The following ALPK1 variants were observed in gnomAD, a reference collection of about 807,000 sequenced individuals.
The protein encoded by ALPK1 is alpha kinase 1.
In ALPK1, 110 loss-of-function variants were observed where a neutral mutation model predicts 120.6. The ratio of observed to expected loss-of-function variants is 0.91; its 90% CI spans 0.78 to 1.07. The LOEUF (loss-of-function observed/expected upper bound fraction) is 1.07, where lower values mean the gene tolerates loss of function less well. Ranked by LOEUF, ALPK1 falls within the 50% of genes least tolerant of loss-of-function variation. The pLI is 0.00. For missense variants in ALPK1, 1,498 were observed against 1,483.9 expected (o/e 1.01, Z -0.16); for synonymous variants, 582 against 560.3 (o/e 1.04, Z -0.55).
At chr4:112,338,448 A>G (rs960431627) in intron 2 of ALPK1, among the ~76,000 whole-genome samples, 2 of 152,194 alleles carry the variant, frequency 1.3e-5, no homozygotes, top group Non-Finnish European at 2.9e-5. Flanking sequence ...AAAAATGTAT[A>G]TAAGGGATAA....
chr4:112,377,899 G>A lies in ALPK1; in HGVS notation c.121+1G>A, dbSNP rs776484720. 14 of 1,605,278 alleles carry A rather than the reference G, an allele frequency of 8.7e-6. No homozygotes were observed. The South Asian group carries it at 1.4e-4, about 17-fold the overall frequency. On this transcript the variant is annotated splice_donor_variant, in intron 3 of 15. Coordinates refer to ENST00000650871, the MANE Select transcript of ALPK1 (RefSeq NM_025144.4). LOFTEE classifies it high-confidence loss of function. Reference sequence around the variant, plus strand: ...AAGAGCGAGGACCAGCGCTGCAGAGGTGAGGTTCTGATGGGAGGCACCAGG... The same window carrying A: ...AAGAGCGAGGACCAGCGCTGCAGAGATGAGGTTCTGATGGGAGGCACCAGG...
intron 15 of ALPK1, 39 bp downstream of exon 15, chr4:112,441,144 C>T (rs753841328): frequency 6.2e-6 from 10 of 1,613,840 alleles, no homozygotes; most frequent in South Asian, 2.2e-5. Flanking sequence ...TGTGACAGAC[C>T]TTAGTGATGC....
chr4:112,355,983 C>T (rs1171016700), intron 2 of ALPK1, among the ~76,000 whole-genome samples: 1 of 152,356 alleles, frequency 6.6e-6, no homozygotes, highest in East Asian at 1.9e-4. Flanking sequence ...CATAGGGATT[C>T]TAGAAGAGAA....
At chr4:112,356,126 C>G in intron 2 of ALPK1, 1 of 1,558,688 alleles carries the variant, frequency 6.4e-7, no homozygotes, top group Non-Finnish European at 8.8e-7. Context: ...CTCCTGAGAA[C>G]AGGCTGATAT....
At chr4:112,382,068 A>G (rs1454093058) in intron 3 of ALPK1, among the ~76,000 whole-genome samples, 1 of 152,186 alleles carries the variant, frequency 6.6e-6, no homozygotes, top group African/African-American at 2.4e-5. Context: ...TACAGGGAAA[A>G]TAATATTTCC....
chr4:112,426,317 C>A, intron 7 of ALPK1, 150 bp from the exon 8 acceptor site: 1 of 470,454 alleles, frequency 2.1e-6, no homozygotes. Context: ...AAAAACATTG[C>A]TGTGTCAATC....
At chr4:112,314,279 T>C (rs1728539952) in intron 1 of ALPK1, among the ~76,000 whole-genome samples, 1 of 152,174 alleles carries the variant, frequency 6.6e-6, no homozygotes, top group African/African-American at 2.4e-5. Context: ...AATAGTCACC[T>C]AAGTGAGCAG....
intron 3 of ALPK1, among the ~76,000 whole-genome samples, chr4:112,382,193 C>T (rs1379658573): frequency 3.3e-5 from 5 of 152,112 alleles, no homozygotes; most frequent in African/African-American, 1.2e-4. Context: ...CAAAGTCGGC[C>T]AGGGCCACCC....
intron 2 of ALPK1, chr4:112,356,382 C>G (rs562279588): frequency 2.5e-5 from 21 of 831,220 alleles, no homozygotes; most frequent in Non-Finnish European, 4.0e-5. Context: ...TCAGATCAGG[C>G]CTTTGTCATC....
chr4:112,431,745 G>T lies in ALPK1; in HGVS notation c.2198G>T (p.Gly733Val), dbSNP rs1469523215. 1 of 1,614,038 alleles carries T rather than the reference G, an allele frequency of 6.2e-7. No homozygotes were observed. The highest frequency in any genetic ancestry group is 8.5e-7 in the Non-Finnish European group (1 of 1,180,030). Residue 733 changes from glycine to valine, a missense_variant, in exon 11 of 16, where the codon GGC becomes GTC. Gly to Val is a moderately radical substitution (Grantham distance 109). Transcript: ENST00000650871. The stretch of plus-strand genomic sequence containing the variant: ...GATTCTGGTAGGCCCAAGAATATGG[G>T]CACACATCCTTCAGTCCAAAAAGAA... Reference protein sequence around the residue: ...SSDSGRPKNMGTHPSVQKEEA... With the variant: ...SSDSGRPKNMVTHPSVQKEEA...
intron 3 of ALPK1, among the ~76,000 whole-genome samples, chr4:112,379,573 G>C (rs1731814822): frequency 6.6e-6 from 1 of 152,250 alleles, no homozygotes; most frequent in African/African-American, 2.4e-5. Context: ...CTGCGGAGCG[G>C]CTCGAGCAGG....
At chr4:112,428,428 A>G (rs1230861981) in intron 9 of ALPK1, among the ~76,000 whole-genome samples, 4 of 152,214 alleles carry the variant, frequency 2.6e-5, no homozygotes, top group Non-Finnish European at 5.9e-5. Context: ...CATGCTCAAT[A>G]CTAATTAGTG....
chr4:112,426,300 C>A (rs886812350), intron 7 of ALPK1, 167 bp from the exon 8 acceptor site: 25 of 426,718 alleles, frequency 5.9e-5, no homozygotes, highest in Non-Finnish European at 8.7e-5. Context: ...GTCTATATTA[C>A]AACTGGAAAA....
intron 2 of ALPK1, among the ~76,000 whole-genome samples, chr4:112,320,904 T>A (rs1446632064): frequency 6.7e-6 from 1 of 149,376 alleles, no homozygotes; most frequent in Admixed American, 6.7e-5. Flanking sequence ...TTTCTTTTTT[T>A]TTTTTTTTTT....
At chr4:112,336,383 C>G (rs1729621223) in intron 2 of ALPK1, among the ~76,000 whole-genome samples, 1 of 152,050 alleles carries the variant, frequency 6.6e-6, no homozygotes, top group Non-Finnish European at 1.5e-5. Context: ...ACAGAAACTA[C>G]ATTTGGAAAT....
Position 112,440,908 on chromosome 4 carries a change from C to G in ALPK1, c.3539-9C>G. 6.2e-7 allele frequency: 1 copy of G among 1,603,280 alleles called. No homozygotes were observed. Among genetic ancestry groups the G allele is most frequent in the Non-Finnish European group, 8.5e-7 (1 of 1,175,564 alleles). On this transcript the variant is annotated splice_polypyrimidine_tract_variant and intron_variant, in intron 14 of 15. Transcript: ENST00000650871. ...ATTTAATACTCAGGTGTGTTCATTT[C>G]TCTTTTAGGTTGGGTAACCGGTAAT...
intron 2 of ALPK1, chr4:112,358,412 A>G: frequency 1.6e-6 from 1 of 637,270 alleles, no homozygotes; most frequent in Non-Finnish European, 2.8e-6. Context: ...AGATGCTGTC[A>G]GGGTGACTAA....
intron 2 of ALPK1, among the ~76,000 whole-genome samples, chr4:112,328,089 A>C (rs1729195788): frequency 6.6e-6 from 1 of 152,268 alleles, no homozygotes; most frequent in Non-Finnish European, 1.5e-5. Context: ...TTAAGCAATG[A>C]CTAAAAAAGA....
At chr4:112,336,313 A>G (rs6834091) in intron 2 of ALPK1, among the ~76,000 whole-genome samples, 101,381 of 151,996 alleles carry the variant, frequency 0.67, 34,361 homozygotes, top group East Asian at 0.89. Context: ...CATTAAAATA[A>G]TGGGTAAAAT....
Sources: gnomAD v4.1 joint callset for allele counts (sites outside exome capture counted in the v4.1 genomes callset) on GRCh38, gnomAD v4.1.1 for gene constraint, MANE v1.5 for transcripts, NCBI Gene and HGNC (gene_info 2026-07-23, HGNC 2026-07-21) for gene names.